The following BLTP3B variants were observed in gnomAD, a reference collection of about 807,000 sequenced individuals.
The protein encoded by BLTP3B is UHRF1 (ICBP90) binding protein 1-like.
chr12:100,058,858 G>T, the BLTP3B span: 1 of 1,613,828 alleles, frequency 6.2e-7, no homozygotes, highest in African/African-American at 1.3e-5. Flanking sequence ...TGAACTAGGA[G>T]ATGAATATCT....
At chr12:100,059,921 C>A in the BLTP3B span, 1 of 1,611,318 alleles carries the variant, frequency 6.2e-7, no homozygotes, top group Non-Finnish European at 8.5e-7. Context: ...AACTTGTACA[C>A]AGCCATGAAC....
At chr12:100,098,781 T>C in the BLTP3B span, among the ~76,000 whole-genome samples, 6 of 151,082 alleles carry the variant, frequency 4.0e-5, no homozygotes, top group South Asian at 1.3e-3. Flanking sequence ...CAGTGGCACA[T>C]GCCTGTAATT....
chr12:100,112,273 G>C, the BLTP3B span, among the ~76,000 whole-genome samples: 4 of 152,178 alleles, frequency 2.6e-5, no homozygotes, highest in African/African-American at 9.7e-5. Flanking sequence ...GAGCCCAAGA[G>C]TTTGAGACCA....
At chr12:100,075,124 G>T in the BLTP3B span, among the ~76,000 whole-genome samples, 1 of 151,514 alleles carries the variant, frequency 6.6e-6, no homozygotes, top group African/African-American at 2.4e-5. Flanking sequence ...CAATTCTCCT[G>T]CCTCAGCCTC....
At chr12:100,131,704 A>G in the BLTP3B span, among the ~76,000 whole-genome samples, 307 of 152,354 alleles carry the variant, frequency 2.0e-3, 2 homozygotes, top group African/African-American at 7.1e-3. Context: ...TGATTTTAAT[A>G]TAACTACTCG....
the BLTP3B span, among the ~76,000 whole-genome samples, chr12:100,110,495 A>C: frequency 1.3e-5 from 2 of 152,094 alleles, no homozygotes; most frequent in Non-Finnish European, 2.9e-5. Flanking sequence ...AGAAGACAAC[A>C]CTCAATAAGT....
chr12:100,119,093 C>A, the BLTP3B span, among the ~76,000 whole-genome samples: 1 of 151,962 alleles, frequency 6.6e-6, no homozygotes, highest in African/African-American at 2.4e-5. Flanking sequence ...CAGAGCCAGA[C>A]TCTGTCTCAA....
chr12:100,103,927 G>A, the BLTP3B span: 1 of 1,600,582 alleles, frequency 6.2e-7, no homozygotes, highest in Non-Finnish European at 8.5e-7. Flanking sequence ...CAGATGGGAT[G>A]TGTTTTCAGT....
chr12:100,088,506 G>A, the BLTP3B span, among the ~76,000 whole-genome samples: 3 of 152,130 alleles, frequency 2.0e-5, no homozygotes, highest in Non-Finnish European at 4.4e-5. Flanking sequence ...TTCAAAATAG[G>A]TAGAAAAACT....
At chr12:100,118,747 A>G in the BLTP3B span, among the ~76,000 whole-genome samples, 1 of 152,236 alleles carries the variant, frequency 6.6e-6, no homozygotes, top group Non-Finnish European at 1.5e-5. Flanking sequence ...TTAAAAAATC[A>G]GAGCTGATTA....
chr12:100,061,656 CAAAA>C, the BLTP3B span, among the ~76,000 whole-genome samples: 1 of 67,314 alleles, frequency 1.5e-5, no homozygotes, highest in Non-Finnish European at 3.2e-5. Context: ...GACTCCGTCT[CAAAA>C]AAAAAAAAAA....
the BLTP3B span, chr12:100,039,813 A>G: frequency 2.5e-6 from 4 of 1,581,460 alleles, no homozygotes; most frequent in Non-Finnish European, 2.6e-6. Flanking sequence ...TAACATGCTC[A>G]GATAACATTT....
At chr12:100,057,797 T>C in the BLTP3B span, 1 of 1,481,122 alleles carries the variant, frequency 6.8e-7, no homozygotes, top group Non-Finnish European at 9.0e-7. Flanking sequence ...AAGAATTCTA[T>C]CTAAAAAATA....
chr12:100,051,127 A>T, the BLTP3B span: 1 of 1,614,138 alleles, frequency 6.2e-7, no homozygotes, highest in Non-Finnish European at 8.5e-7. Context: ...TACTGATGGC[A>T]TCTGGAGAAG....
the BLTP3B span, among the ~76,000 whole-genome samples, chr12:100,054,438 G>A: frequency 6.6e-6 from 1 of 152,016 alleles, no homozygotes; most frequent in Non-Finnish European, 1.5e-5. Context: ...CACATTGAGT[G>A]GTAGTCACTT....
At chr12:100,137,189 C>CAGA in the BLTP3B span, among the ~76,000 whole-genome samples, 1 of 152,182 alleles carries the variant, frequency 6.6e-6, no homozygotes, top group African/African-American at 2.4e-5. Flanking sequence ...GACAAAATCT[C>CAGA]CAACCCTTCC....
At chr12:100,073,912 C>T in the BLTP3B span, among the ~76,000 whole-genome samples, 344 of 152,206 alleles carry the variant, frequency 2.3e-3, no homozygotes, top group African/African-American at 7.8e-3. Context: ...CAGCTAATAT[C>T]GTTCTGAAGC....
At chr12:100,113,793 GA>G in the BLTP3B span, among the ~76,000 whole-genome samples, 41 of 133,220 alleles carry the variant, frequency 3.1e-4, no homozygotes, top group Admixed American at 5.3e-4. Context: ...CCCTGTCTCA[GA>G]AAAAAAAAAA....
At chr12:100,126,593 ACT>A in the BLTP3B span, among the ~76,000 whole-genome samples, 1 of 152,036 alleles carries the variant, frequency 6.6e-6, no homozygotes, top group Non-Finnish European at 1.5e-5. Flanking sequence ...CAAAAATTCT[ACT>A]GTTATAAACA....
Sources: allele counts gnomAD v4.1 joint callset (sites outside exome capture counted in the v4.1 genomes callset), GRCh38; gene constraint gnomAD v4.1.1; transcripts MANE v1.5; gene names NCBI Gene and HGNC (gene_info 2026-07-23, HGNC 2026-07-21).